SYNE1: variants seen among roughly 807,000 people sequenced by gnomAD.
The protein encoded by SYNE1 is spectrin repeat containing nuclear envelope protein 1.
SYNE1 carries 616 observed loss-of-function variants against 1,111.0 expected under a neutral mutation model. The observed-to-expected ratio is 0.55, with a 90% confidence interval of 0.52 to 0.59. SYNE1 has a LOEUF of 0.59. SYNE1 is among the 20% of genes least tolerant of loss of function. SYNE1 has a pLI of 0.00. For missense variants in SYNE1, 10,006 were observed against 10,417.0 expected (o/e 0.96, Z 1.72); for synonymous variants, 3,855 against 3,825.8 (o/e 1.01, Z -0.28).
intron 4 of SYNE1, among the ~76,000 whole-genome samples, chr6:152,531,671 C>A (rs559353511): frequency 4.6e-4 from 70 of 152,286 alleles, no homozygotes; most frequent in Non-Finnish European, 7.8e-4. Context: ...GCCCTTCAGC[C>A]TCTACCATTC....
chr6:152,630,902 C>G (rs752286177), intron 2 of SYNE1, among the ~76,000 whole-genome samples: 2 of 151,718 alleles, frequency 1.3e-5, no homozygotes, highest in African/African-American at 2.4e-5. Context: ...TGTGCATGCC[C>G]TCTCTCTCTC....
At position 152,455,943 on chromosome 6, in the gene SYNE1, C is replaced by T; in HGVS notation, c.2670G>A (p.Lys890=). The change falls in exon 23 of 146, where the codon AAG becomes AAA. Residue 890 remains lysine (K), a synonymous_variant. Transcript: ENST00000367255. The part of the protein sequence containing the change: ...QKFVTLSNVL[K]HFDQTRLQRQ... ...TTTGTAGCCTCGTCTGATCAAAATG[C>T]TTTAACACGTTGCTCAAGGTCACAA... 1.9e-6 allele frequency: 3 copies of T among 1,614,120 alleles called. No homozygotes were observed. The South Asian group carries it at 3.3e-5, about 18-fold the overall frequency.
At chr6:152,242,865 AT>A (rs1344263659) in intron 106 of SYNE1, among the ~76,000 whole-genome samples, 1 of 152,240 alleles carries the variant, frequency 6.6e-6, no homozygotes, top group Non-Finnish European at 1.5e-5. Context: ...TAAAATAAAT[AT>A]TCAATAAATA....
chr6:152,383,613 T>C (rs1046664353), intron 55 of SYNE1, among the ~76,000 whole-genome samples: 8 of 152,214 alleles, frequency 5.3e-5, no homozygotes, highest in African/African-American at 1.9e-4. Context: ...ACCTTTCAAA[T>C]CATTTTCTCC....
At chr6:152,125,233 G>C in intron 145 of SYNE1, 2 of 1,547,608 alleles carry the variant, frequency 1.3e-6, no homozygotes, top group Non-Finnish European at 1.7e-6. Context: ...AGGAATAATG[G>C]TAATGGTAAT....
chr6:152,492,806 T>C (rs567297424), intron 11 of SYNE1, among the ~76,000 whole-genome samples: 1 of 152,296 alleles, frequency 6.6e-6, no homozygotes, highest in Admixed American at 6.5e-5. Context: ...CACTCCACAT[T>C]ACCTTCTTTT....
intron 95 of SYNE1, among the ~76,000 whole-genome samples, chr6:152,290,607 G>A (rs564192999): frequency 2.0e-5 from 3 of 152,000 alleles, no homozygotes; most frequent in Non-Finnish European, 4.4e-5. Flanking sequence ...GAAAGGCACA[G>A]CATTCCACAC....
intron 2 of SYNE1, among the ~76,000 whole-genome samples, chr6:152,632,521 C>T (rs2099699530): frequency 6.6e-6 from 1 of 152,106 alleles, no homozygotes; most frequent in Admixed American, 6.6e-5. Flanking sequence ...AATATCAGTT[C>T]TAGGCTAAAC....
intron 145 of SYNE1, 36 bp from the exon 146 acceptor site, chr6:152,122,712 T>G: frequency 4.3e-6 from 7 of 1,612,822 alleles, no homozygotes; most frequent in Non-Finnish European, 5.9e-6. Flanking sequence ...CTCAGATAAC[T>G]CCAGTGTCGG....
intron 3 of SYNE1, among the ~76,000 whole-genome samples, chr6:152,559,328 T>C (rs2128212922): frequency 6.6e-6 from 1 of 152,258 alleles, no homozygotes; most frequent in Non-Finnish European, 1.5e-5. Context: ...CTAGAACTCC[T>C]TACCTCAAGC....
At chr6:152,342,914 C>A (rs1018547141) in intron 74 of SYNE1, among the ~76,000 whole-genome samples, 5 of 152,064 alleles carry the variant, frequency 3.3e-5, no homozygotes, top group Admixed American at 6.5e-5. Context: ...GTTTTTGCCC[C>A]AAAACTATGC....
chr6:152,182,854 T>C (rs1463664797), intron 128 of SYNE1, among the ~76,000 whole-genome samples: 1 of 152,242 alleles, frequency 6.6e-6, no homozygotes, highest in Non-Finnish European at 1.5e-5. Context: ...GATTCAATTA[T>C]GATCTTTTAA....
At position 152,122,353 on chromosome 6, in the gene SYNE1, G is replaced by A; in HGVS notation, c.*83C>T. 6.2e-7 allele frequency: 1 copy of A among 1,609,970 alleles called. No homozygotes were observed. The highest frequency in any genetic ancestry group is 1.1e-5 in the South Asian group (1 of 90,704). ...ACCGAGGGCTTTCGCCAAGATCAAG[G>A]TCCTCTTGTTGGTAGTTTGGGATTG... On this transcript the variant is annotated 3_prime_UTR_variant, in exon 146 of 146. Coordinates refer to ENST00000367255, the MANE Select transcript of SYNE1 (RefSeq NM_182961.4).
Position 152,326,629 on chromosome 6 carries a change from G to A in SYNE1, c.14960C>T (p.Thr4987Ile), listed in dbSNP as rs1165225078. Reference sequence around the variant, plus strand: ...ACACTGGCTATATATTTCAGTCAAGGTAGCCTGAAAAACAGCAATTGCAAA... The same window carrying A: ...ACACTGGCTATATATTTCAGTCAAGATAGCCTGAAAAACAGCAATTGCAAA... ...IQEALRTRQA[T>I]LTEIYSQCQR... Residue 4987 changes from threonine to isoleucine, a missense_variant, in exon 79 of 146, where the codon ACC (threonine) becomes ATC (isoleucine). Physicochemically the swap from Thr to Ile is moderately conservative, Grantham distance 89. Around this residue, in one of 7 missense-constraint regions of SYNE1, gnomAD observed 4,955 missense variants for 5,017.2 expected, o/e 0.99. Transcript: ENST00000367255. 1.2e-6 allele frequency: 2 copies of A among 1,613,294 alleles called. No homozygotes were observed. Among genetic ancestry groups the A allele is most frequent in the Admixed American group, 1.7e-5 (1 of 59,998 alleles).
rs139590550 is a variant in SYNE1 at position 152,189,294 on chromosome 6, G to A, written c.23259C>T (p.Arg7753=). The A allele has an allele frequency of 1.4e-3, 2,187 of 1,613,836 alleles. 9 individuals carry two copies. The Middle Eastern group carries it at 0.024, about 18-fold the overall frequency. ...SADDISILNE[R]VELLQRQWEE... ...CCCACTGCCTTTGCAGAAGCTCTAC[G>A]CGTTCATTAAGAATGGAGATATCAT... The change falls in exon 128 of 146, where the codon CGC becomes CGT. Residue 7753 remains arginine, a synonymous_variant. Transcript: ENST00000367255.
intron 131 of SYNE1, among the ~76,000 whole-genome samples, chr6:152,160,164 G>A (rs2062168218): frequency 6.6e-6 from 1 of 151,982 alleles, no homozygotes; most frequent in Non-Finnish European, 1.5e-5. Flanking sequence ...GCACCACCAT[G>A]CCCAGCTAAA....
At chr6:152,625,404 G>A (rs1034184100) in intron 3 of SYNE1, among the ~76,000 whole-genome samples, 15 of 152,206 alleles carry the variant, frequency 9.9e-5, no homozygotes, top group South Asian at 4.1e-4. Flanking sequence ...AGTCACACTC[G>A]CCAGATCACT....
At chr6:152,163,582 A>C (rs2062987667) in intron 131 of SYNE1, among the ~76,000 whole-genome samples, 1 of 151,912 alleles carries the variant, frequency 6.6e-6, no homozygotes, top group Admixed American at 6.5e-5. Context: ...TTCCAGGATC[A>C]TCCCTTTTTG....
Position 152,447,487 on chromosome 6 carries a change from AAG to A in SYNE1, c.3638_3639del (p.Ser1213PhefsTer12), listed in dbSNP as rs763716159. ...GACAGCAGCGTCACAAGAGCCTTGAAAGAGCTGGATAATTTTGCCAGCTCATC... is the reference window on the plus strand; with the variant it reads ...GACAGCAGCGTCACAAGAGCCTTGAAAGCTGGATAATTTTGCCAGCTCATC... ...QGDELAKLSS[S>X]FKALVTLLSE... On this transcript the variant is annotated frameshift_variant, in exon 29 of 146. Coordinates refer to ENST00000367255, the MANE Select transcript of SYNE1 (RefSeq NM_182961.4). LOFTEE classifies it high-confidence loss of function. 1 of 1,614,256 alleles carries A rather than the reference AAG, an allele frequency of 6.2e-7. No individual in the cohort carries two copies. The highest frequency in any genetic ancestry group is 8.5e-7 in the Non-Finnish European group (1 of 1,180,036).
Sources: gnomAD v4.1 joint callset for allele counts (sites outside exome capture counted in the v4.1 genomes callset) on GRCh38, gnomAD v4.1.1 for gene constraint, gnomAD v4.1.1 regional missense constraint, MANE v1.5 for transcripts, NCBI Gene and HGNC (gene_info 2026-07-23, HGNC 2026-07-21) for gene names.